AZIN2: variants seen among roughly 807,000 people sequenced by gnomAD.
AZIN2 encodes the protein ODC antizyme inhibitor-2.
A neutral mutation model predicts 47.8 loss-of-function variants in AZIN2; 28 were observed. The ratio of observed to expected loss-of-function variants is 0.59; its 90% CI spans 0.43 to 0.80. AZIN2 has a LOEUF of 0.80. Ranked by LOEUF, AZIN2 falls within the 30% of genes least tolerant of loss-of-function variation. The pLI is 0.00. For synonymous variants in AZIN2, 221 were observed against 239.4 expected, an observed-to-expected ratio of 0.92 and a Z score of 0.71; for missense variants, 535 against 582.5, an observed-to-expected ratio of 0.92 and a Z score of 0.84.
At chr1:33,101,551 A>G (rs1643698804) in intron 10 of AZIN2, among the ~76,000 whole-genome samples, 1 of 150,348 alleles carries the variant, frequency 6.7e-6, no homozygotes, top group Non-Finnish European at 1.5e-5. Flanking sequence ...TAGCATCTCA[A>G]TCAGCTTTGG....
At chr1:33,128,012 C>G (rs72656220), downstream of AZIN2, among the ~76,000 whole-genome samples, 909 of 152,160 alleles carry the variant, frequency 6.0e-3, 10 homozygotes, top group South Asian at 0.014. Context: ...CAGTTTCTGA[C>G]TCTGTAAAAT....
At chr1:33,138,184 G>T in the AZIN2 span, among the ~76,000 whole-genome samples, 9 of 152,116 alleles carry the variant, frequency 5.9e-5, no homozygotes, top group Non-Finnish European at 8.8e-5. Context: ...CATCTGCTGC[G>T]GCAGGTTCCC....
In AZIN2 at chr1:33,083,993, A is replaced by G. The variant is rs757267399; in HGVS notation, c.145A>G (p.Ile49Val). Residue 49 changes from isoleucine (I) to valine (V), a missense_variant, in exon 5 of 12, where the codon ATA (isoleucine) becomes GTA (valine). Physicochemically the swap from Ile to Val is conservative, Grantham distance 29. Around this residue, in one of 3 missense-constraint regions of AZIN2, gnomAD observed 409 missense variants for 429.0 expected, o/e 0.95. Transcript: ENST00000294517. ...CTTCTTCGTGGCTGACCTGGGTGCC[A>G]TAGTGAGGAAGCACTTTTGCTTTCT... is the stretch of plus-strand genomic sequence containing the variant. ...AAFFVADLGAIVRKHFCFLKC... is the reference protein window; with the variant it reads ...AAFFVADLGAVVRKHFCFLKC... 1.2e-6 allele frequency: 2 copies of G among 1,614,208 alleles called. No homozygotes were observed. Among genetic ancestry groups the G allele is most frequent in the Non-Finnish European group, 1.7e-6 (2 of 1,180,036 alleles).
At chr1:33,132,183 G>GC in the AZIN2 span, among the ~76,000 whole-genome samples, 1 of 152,164 alleles carries the variant, frequency 6.6e-6, no homozygotes, top group Non-Finnish European at 1.5e-5. Context: ...ACTGTGAGCT[G>GC]CCTACTGCTT....
the AZIN2 span, among the ~76,000 whole-genome samples, chr1:33,136,327 T>C: frequency 1.3e-5 from 2 of 149,406 alleles, no homozygotes; most frequent in Non-Finnish European, 3.0e-5. Flanking sequence ...TTTTTCTTTC[T>C]TTCCTTCCTT....
chr1:33,108,632 C>T (rs1474943761), intron 10 of AZIN2, among the ~76,000 whole-genome samples: 4 of 152,132 alleles, frequency 2.6e-5, no homozygotes, highest in Non-Finnish European at 4.4e-5. Context: ...CATGAACCAC[C>T]GTGGCCCAGA....
chr1:33,157,445 C>T, the AZIN2 span, among the ~76,000 whole-genome samples: 1 of 151,928 alleles, frequency 6.6e-6, no homozygotes. Context: ...GTTCCTGGAC[C>T]ACCTGTCTAA....
chr1:33,098,952 C>T (rs1412657485), intron 10 of AZIN2, among the ~76,000 whole-genome samples: 1 of 151,380 alleles, frequency 6.6e-6, no homozygotes, highest in African/African-American at 2.4e-5. Context: ...TTAGTAGAGG[C>T]GGGGTTTCAA....
Position 33,081,175 on chromosome 1 carries a change from G to T in AZIN2, c.-525G>T. Reference sequence around the variant, plus strand: ...GGGGCGTGGGGGTCTGTGGCTGCTGGGCTGGCGGGGCGCAGGCCGCGGGAC... The same window carrying T: ...GGGGCGTGGGGGTCTGTGGCTGCTGTGCTGGCGGGGCGCAGGCCGCGGGAC... On this transcript the variant is annotated 5_prime_UTR_variant, in exon 1 of 12. Transcript: ENST00000294517. The surrounding 1 kb of genome is among the most constrained non-coding windows in gnomAD (Gnocchi z 4.2). The T allele has an allele frequency of 6.5e-6, 1 of 154,194 alleles. No individual in the cohort carries two copies. The highest frequency in any genetic ancestry group is 2.0e-4 in the South Asian group (1 of 5,040). 9.6% of individuals were successfully genotyped at this position (154,194 alleles called of 1,614,324 possible). A position where few individuals can be genotyped will look rare whatever the true frequency, so the allele number is the denominator to read the frequency against.
Position 33,113,328 on chromosome 1 carries a change from A to G in AZIN2, c.1030-4574A>G, listed in dbSNP as rs1311207108. ...GTATTACTGTGGCCCAAGTACATCC[A>G]AGAATGTAATAGCTTAATGCTTTCA... On this transcript the variant is annotated intron_variant, in intron 10 of 11. Transcript: ENST00000294517. The surrounding 1 kb of genome is among the most constrained non-coding windows in gnomAD (Gnocchi z 4.1). 6.6e-6 allele frequency among the ~76,000 whole-genome samples: 1 copy of G among 152,150 alleles called. No individual in the cohort carries two copies. The highest frequency in any genetic ancestry group is 1.9e-4 in the East Asian group (1 of 5,198).
At position 33,084,064 on chromosome 1, in the gene AZIN2, C is replaced by T. The variant is rs150673747; in HGVS notation, c.216C>T (p.Asn72=). Residue 72 remains asparagine, a synonymous_variant, in exon 5 of 12, where the codon AAC becomes AAT. Transcript: ENST00000294517. The part of the protein sequence containing the change: ...RVRPFYAVKC[N]SSPGVLKVLA... ...GGCCCTTTTATGCTGTCAAGTGCAA[C>T]AGCAGCCCAGGTGTGCTGAAGGTTC... 1.9e-6 allele frequency: 3 copies of T among 1,613,990 alleles called. No homozygotes were observed. The highest frequency in any genetic ancestry group is 2.2e-5 in the East Asian group (1 of 44,882).
the AZIN2 span, among the ~76,000 whole-genome samples, chr1:33,134,571 A>G: frequency 0.18 from 27,860 of 152,074 alleles, 3,029 homozygotes; most frequent in South Asian, 0.29. Flanking sequence ...AAGGGGACCC[A>G]TGGAAAGAAA....
intron 10 of AZIN2, among the ~76,000 whole-genome samples, chr1:33,103,034 T>C (rs1643824613): frequency 6.6e-6 from 1 of 152,190 alleles, no homozygotes; most frequent in Non-Finnish European, 1.5e-5. Flanking sequence ...TTCAGTGAAT[T>C]CTTCCTCTGT....
chr1:33,142,686 G>C, the AZIN2 span: 1 of 152,228 alleles, frequency 6.6e-6, no homozygotes, highest in South Asian at 2.1e-4. Context: ...CGTGGAGCCT[G>C]GTTTAACCTC....
chr1:33,083,404 G>A (rs185859093), intron 4 of AZIN2: 163 of 183,518 alleles, frequency 8.9e-4, no homozygotes, highest in African/African-American at 3.6e-3. Context: ...ATAGGGATAG[G>A]TTGCAGTGTC....
chr1:33,092,313 G>C lies in AZIN2; in HGVS notation c.452+91G>C. 2.2e-6 allele frequency: 3 copies of C among 1,340,284 alleles called. No homozygotes were observed. In the South Asian group the frequency reaches 4.5e-5, roughly 20 times the overall value. 83.0% of individuals were successfully genotyped at this position (1,340,284 alleles called of 1,614,324 possible). A position where few individuals can be genotyped will look rare whatever the true frequency, so the allele number is the denominator to read the frequency against. On this transcript the variant is annotated intron_variant, in intron 6 of 11. Coordinates refer to ENST00000294517, the MANE Select transcript of AZIN2 (RefSeq NM_052998.4). ...TGTGGGGAGGCTGGGCTGTGGGGAG[G>C]CTGGGCTGAGGGAAGGCTGGGCTTC...
the AZIN2 span, among the ~76,000 whole-genome samples, chr1:33,134,669 T>C: frequency 1.3e-5 from 2 of 152,186 alleles, no homozygotes; most frequent in Non-Finnish European, 2.9e-5. Flanking sequence ...AGCTGTGGCA[T>C]GGGAGACTGC....
At chr1:33,118,813 G>T (rs959924125) in intron 11 of AZIN2, 1 of 152,252 alleles carries the variant, frequency 6.6e-6, no homozygotes, top group African/African-American at 2.4e-5. Flanking sequence ...CTAGTGCTGG[G>T]ATCCAGTGAG....
the AZIN2 span, among the ~76,000 whole-genome samples, chr1:33,133,121 C>G: frequency 6.6e-6 from 1 of 152,186 alleles, no homozygotes; most frequent in Non-Finnish European, 1.5e-5. Flanking sequence ...AGCCTTGGCC[C>G]ATAGTCACTT....
Sources: gnomAD v4.1 joint callset for allele counts (sites outside exome capture counted in the v4.1 genomes callset) on GRCh38, gnomAD v4.1.1 for gene constraint, gnomAD v4.1.1 regional missense constraint, Gnocchi (gnomAD v3.1) non-coding constraint, MANE v1.5 for transcripts, NCBI Gene and HGNC (gene_info 2026-07-23, HGNC 2026-07-21) for gene names.